The following ARPC1A variants were observed in gnomAD, a reference collection of about 807,000 sequenced individuals.
ARPC1A encodes the protein actin related protein 2/3 complex subunit 1A.
In ARPC1A, 8 loss-of-function variants were observed where a neutral mutation model predicts 46.9. The observed-to-expected ratio is 0.17, with a 90% confidence interval of 0.10 to 0.31. The LOEUF (loss-of-function observed/expected upper bound fraction) is 0.31, where lower values mean the gene tolerates loss of function less well. ARPC1A is among the 10% of genes least tolerant of loss of function. The pLI is 1.00. For synonymous variants in ARPC1A, 152 were observed against 169.0 expected (o/e 0.90, Z 0.78); for missense variants, 286 against 483.6 (o/e 0.59, Z 3.83).
chr7:99,344,059 A>AC (rs2150865306), intron 3 of ARPC1A, among the ~76,000 whole-genome samples: 1 of 152,334 alleles, frequency 6.6e-6, no homozygotes, highest in African/African-American at 2.4e-5. Context: ...TGTAATTATA[A>AC]AACAGCTCTT....
chr7:99,335,294 CAAGAT>C (rs754975020), intron 2 of ARPC1A, among the ~76,000 whole-genome samples: 2 of 152,144 alleles, frequency 1.3e-5, no homozygotes, highest in Non-Finnish European at 2.9e-5. Context: ...CCACACCGGC[CAAGAT>C]AATCGAGTTT....
intron 4 of ARPC1A, among the ~76,000 whole-genome samples, chr7:99,344,915 A>ATT (rs1312941959): frequency 9.1e-6 from 1 of 109,376 alleles, no homozygotes; most frequent in Admixed American, 9.1e-5. Context: ...ACAGATAACA[A>ATT]TGTTCTTTTT....
chr7:99,365,065 C>T (rs763366483), intron 9 of ARPC1A, among the ~76,000 whole-genome samples: 17 of 152,042 alleles, frequency 1.1e-4, no homozygotes, highest in Non-Finnish European at 2.1e-4. Flanking sequence ...TGCAGCACAC[C>T]CAGGGCAGCC....
At chr7:99,360,757 T>C (rs990425845) in intron 8 of ARPC1A, among the ~76,000 whole-genome samples, 3 of 151,910 alleles carry the variant, frequency 2.0e-5, no homozygotes, top group East Asian at 1.9e-4. Context: ...CTTGCCAACA[T>C]GGCAAAACCC....
At chr7:99,351,973 C>T (rs143438335) in intron 5 of ARPC1A, among the ~76,000 whole-genome samples, 26 of 152,286 alleles carry the variant, frequency 1.7e-4, no homozygotes, top group African/African-American at 6.0e-4. Flanking sequence ...GGACCTGCCT[C>T]CATCTTAAGC....
chr7:99,345,458 A>G, intron 4 of ARPC1A, among the ~76,000 whole-genome samples: 1 of 152,070 alleles, frequency 6.6e-6, no homozygotes, highest in Non-Finnish European at 1.5e-5. Flanking sequence ...GGAAACAATT[A>G]TTCTCCAGCC....
chr7:99,343,364 G>T (rs750935937), intron 3 of ARPC1A, among the ~76,000 whole-genome samples: 3 of 151,980 alleles, frequency 2.0e-5, no homozygotes, highest in Non-Finnish European at 4.4e-5. Flanking sequence ...TACTCGGGAG[G>T]CTGAGGCAGG....
intron 1 of ARPC1A, among the ~76,000 whole-genome samples, chr7:99,326,565 A>C (rs1793051287): frequency 6.6e-6 from 1 of 152,092 alleles, no homozygotes; most frequent in Non-Finnish European, 1.5e-5. Flanking sequence ...CGGCGCTCTT[A>C]TTCATTTAGT....
At chr7:99,333,659 C>G (rs550887229) in intron 2 of ARPC1A, among the ~76,000 whole-genome samples, 13 of 152,244 alleles carry the variant, frequency 8.5e-5, no homozygotes, top group African/African-American at 3.1e-4. Flanking sequence ...GCACTAGGAC[C>G]TAGAATAAGC....
At chr7:99,363,306 G>T (rs1035130060) in intron 8 of ARPC1A, among the ~76,000 whole-genome samples, 1 of 152,112 alleles carries the variant, frequency 6.6e-6, no homozygotes, top group Non-Finnish European at 1.5e-5. Flanking sequence ...CTGGTGGAGC[G>T]TGGTGGCTTA....
At chr7:99,344,641 G>A (rs1444860410) in intron 4 of ARPC1A, 126 bp downstream of exon 4, 6 of 989,464 alleles carry the variant, frequency 6.1e-6, no homozygotes, top group Admixed American at 5.3e-5. Context: ...TGAAATTCTC[G>A]ATTCTGTCTG....
chr7:99,353,162 TGTTATGTTA>T (rs781323875), intron 5 of ARPC1A, among the ~76,000 whole-genome samples: 8 of 142,784 alleles, frequency 5.6e-5, no homozygotes, highest in Admixed American at 1.4e-4. Flanking sequence ...TGTTATGTTA[TGTTATGTTA>T]TTTTAGAGAC....
chr7:99,350,374 G>C lies in ARPC1A; in HGVS notation c.500+1415G>C, dbSNP rs148945171. ...AAAGTGAAACAATTAATAAAACATA[G>C]CTAAACAGTGCGCTGCTAAGCTGTT... is the stretch of plus-strand genomic sequence containing the variant. On this transcript the variant is annotated intron_variant, in intron 5 of 9. Transcript: ENST00000262942. Among the ~76,000 whole-genome samples the C allele has an allele frequency of 9.2e-5, 14 of 152,210 alleles. No individual in the cohort carries two copies. In the East Asian group the frequency reaches 2.5e-3, roughly 27 times the overall value.
At chr7:99,327,505 A>G (rs1329907481) in intron 1 of ARPC1A, among the ~76,000 whole-genome samples, 2 of 139,336 alleles carry the variant, frequency 1.4e-5, no homozygotes, top group South Asian at 4.5e-4. Flanking sequence ...TATTTTTTGT[A>G]AAGACAGGGT....
At chr7:99,331,228 A>G (rs1008355322) in intron 1 of ARPC1A, among the ~76,000 whole-genome samples, 1 of 151,860 alleles carries the variant, frequency 6.6e-6, no homozygotes, top group Non-Finnish European at 1.5e-5. Flanking sequence ...ACATGGTGAA[A>G]CCCCATCTCT....
In ARPC1A at chr7:99,353,928, A is replaced by C. The variant is rs1451118438; in HGVS notation, c.520A>C (p.Lys174Gln). 6.2e-7 allele frequency: 1 copy of C among 1,613,740 alleles called. No individual in the cohort carries two copies. The highest frequency in any genetic ancestry group is 1.7e-5 in the Admixed American group (1 of 59,994). Reference protein sequence around the residue: ...FKCRVFSAYIKEVDEKPASTP... With the variant: ...FKCRVFSAYIQEVDEKPASTP... The stretch of plus-strand genomic sequence containing the variant: ...AAACAGAGTGTTTTCTGCCTACATT[A>C]AAGAAGTGGATGAAAAGCCAGCCAG... Residue 174 changes from lysine (K) to glutamine (Q), a missense_variant, in exon 6 of 10, where the codon AAA becomes CAA. Physicochemically the swap from Lys to Gln is moderately conservative, Grantham distance 53 (BLOSUM62 1). Coordinates refer to ENST00000262942, the MANE Select transcript of ARPC1A (RefSeq NM_006409.4).
rs1313505054 is a variant in ARPC1A at position 99,365,873 on chromosome 7, C to T, written c.1075-18C>T. On this transcript the variant is annotated intron_variant, in intron 9 of 9. Transcript: ENST00000262942. Reference sequence around the variant, plus strand: ...GACACTCCTCAGTGACATCAGTGCTCTTCCCACCTTTTCCAAGACCCTCGA... The same window carrying T: ...GACACTCCTCAGTGACATCAGTGCTTTTCCCACCTTTTCCAAGACCCTCGA... 1.3e-6 allele frequency: 2 copies of T among 1,568,214 alleles called. No homozygotes were observed. The highest frequency in any genetic ancestry group is 3.7e-5 in the Admixed American group (2 of 53,602).
intron 8 of ARPC1A, 200 bp downstream of exon 8, chr7:99,359,938 C>G: frequency 1.6e-6 from 1 of 627,994 alleles, no homozygotes; most frequent in Admixed American, 2.7e-5. Context: ...TCGCCACCAC[C>G]TGGTCATTCT....
At chr7:99,355,326 C>A (rs1432208840) in intron 6 of ARPC1A, among the ~76,000 whole-genome samples, 1 of 151,920 alleles carries the variant, frequency 6.6e-6, no homozygotes, top group African/African-American at 2.4e-5. Flanking sequence ...CAGGCACAGA[C>A]ACAAATTCTC....
Sources: gnomAD v4.1 joint callset for allele counts (sites outside exome capture counted in the v4.1 genomes callset) on GRCh38, gnomAD v4.1.1 for gene constraint, MANE v1.5 for transcripts, NCBI Gene and HGNC (gene_info 2026-07-23, HGNC 2026-07-21) for gene names.